The following TUSC3 variants were observed in gnomAD, a reference collection of about 807,000 sequenced individuals.
The protein encoded by TUSC3 is tumor suppressor candidate 3, also known as dolichyl-diphosphooligosaccharide--protein glycosyltransferase subunit TUSC3.
A neutral mutation model predicts 44.8 loss-of-function variants in TUSC3; 45 were observed. That is an observed-to-expected ratio of 1.00 (90% CI 0.79 to 1.29). TUSC3 has a LOEUF of 1.29. TUSC3 is among the 50% of genes most tolerant of loss of function. The pLI, the probability that TUSC3 is intolerant of heterozygous loss-of-function variation, is 0.00. For missense variants in TUSC3, 519 were observed against 437.9 expected (o/e 1.19, Z -1.65); for synonymous variants, 212 against 152.9 (o/e 1.39, Z -2.85).
chr8:15,697,677 T>C (rs60097222), intron 6 of TUSC3, among the ~76,000 whole-genome samples: 2,102 of 152,294 alleles, frequency 0.014, 44 homozygotes, highest in African/African-American at 0.046. Flanking sequence ...ACCTAATGGG[T>C]TATGTACATT....
chr8:15,531,259 G>A (rs1337134420), intron 2 of TUSC3, among the ~76,000 whole-genome samples: 1 of 152,038 alleles, frequency 6.6e-6, no homozygotes, highest in Non-Finnish European at 1.5e-5. Flanking sequence ...CTGCTCTAAA[G>A]CTATTTATTT....
intron 1 of TUSC3, among the ~76,000 whole-genome samples, chr8:15,547,500 G>A (rs1032733561): frequency 6.6e-6 from 1 of 151,474 alleles, no homozygotes; most frequent in African/African-American, 2.4e-5. Context: ...GAACTTGGTG[G>A]TCGATAATAA....
At chr8:15,518,118 T>C (rs1301136322) in intron 2 of TUSC3, among the ~76,000 whole-genome samples, 1 of 152,148 alleles carries the variant, frequency 6.6e-6, no homozygotes, top group Non-Finnish European at 1.5e-5. Context: ...TAAATCTACA[T>C]AATTCCATGT....
chr8:15,541,203 A>G (rs1801679824), intron 1 of TUSC3, among the ~76,000 whole-genome samples: 1 of 152,168 alleles, frequency 6.6e-6, no homozygotes, highest in Admixed American at 6.5e-5. Context: ...ATGTGGATTT[A>G]TTTCTGAAGT....
At chr8:15,702,289 TA>T (rs1809440643) in intron 6 of TUSC3, among the ~76,000 whole-genome samples, 1 of 152,196 alleles carries the variant, frequency 6.6e-6, no homozygotes, top group Non-Finnish European at 1.5e-5. Context: ...ACATTGGTAT[TA>T]AATAATAGTT....
chr8:15,492,824 A>C (rs17611616), intron 2 of TUSC3, among the ~76,000 whole-genome samples: 1 of 152,004 alleles, frequency 6.6e-6, no homozygotes, highest in Admixed American at 6.6e-5. Context: ...AACAATATCC[A>C]TATGAGTTTT....
intron 1 of TUSC3, among the ~76,000 whole-genome samples, chr8:15,453,094 T>C (rs1800214960): frequency 6.6e-6 from 1 of 152,160 alleles, no homozygotes; most frequent in Admixed American, 6.5e-5. Context: ...GATTTTGGTA[T>C]CTAGACTTGA....
At chr8:15,638,844 T>G (rs1367352268) in intron 2 of TUSC3, among the ~76,000 whole-genome samples, 1 of 152,174 alleles carries the variant, frequency 6.6e-6, no homozygotes, top group Non-Finnish European at 1.5e-5. Context: ...ATACTAGCAT[T>G]ACACTGATGA....
chr8:15,445,175 G>A (rs1800077698), intron 1 of TUSC3, among the ~76,000 whole-genome samples: 1 of 152,152 alleles, frequency 6.6e-6, no homozygotes, highest in Non-Finnish European at 1.5e-5. Flanking sequence ...GTCTGGATGG[G>A]ATCTCCTTGG....
chr8:15,761,698 C>T (rs1270577024), intron 10 of TUSC3, among the ~76,000 whole-genome samples: 1 of 152,188 alleles, frequency 6.6e-6, no homozygotes, highest in Non-Finnish European at 1.5e-5. Context: ...GTACCCAAGG[C>T]TGCTTCTCAC....
At chr8:15,515,319 A>G (rs1263171375) in intron 2 of TUSC3, among the ~76,000 whole-genome samples, 1 of 152,206 alleles carries the variant, frequency 6.6e-6, no homozygotes, top group Admixed American at 6.5e-5. Flanking sequence ...TACTACCAAA[A>G]TTAAATATTC....
intron 6 of TUSC3, among the ~76,000 whole-genome samples, chr8:15,694,852 C>A (rs755242167): frequency 1.8e-4 from 27 of 152,066 alleles, no homozygotes; most frequent in Non-Finnish European, 3.2e-4. Context: ...TGGTGTCAGC[C>A]AAAATGCTTC....
intron 2 of TUSC3, among the ~76,000 whole-genome samples, chr8:15,632,444 G>C (rs1471696834): frequency 2.0e-5 from 3 of 152,118 alleles, no homozygotes; most frequent in Non-Finnish European, 4.4e-5. Context: ...CCAGTGCTGA[G>C]ATTAATCACT....
At chr8:15,751,149 C>G (rs1811683291) in intron 9 of TUSC3, among the ~76,000 whole-genome samples, 1 of 152,016 alleles carries the variant, frequency 6.6e-6, no homozygotes, top group South Asian at 2.1e-4. Context: ...TTGGGTTGCT[C>G]TGTTAGGCAA....
chr8:15,659,346 T>C (rs1027053048), intron 3 of TUSC3, among the ~76,000 whole-genome samples, 161 bp from the exon 4 acceptor site: 2 of 152,162 alleles, frequency 1.3e-5, no homozygotes, highest in African/African-American at 4.8e-5. Context: ...TTTCATCCAG[T>C]AGTGAATTAA....
At chr8:15,554,491 G>T (rs1802168686) in intron 1 of TUSC3, among the ~76,000 whole-genome samples, 1 of 150,954 alleles carries the variant, frequency 6.6e-6, no homozygotes, top group African/African-American at 2.4e-5. Flanking sequence ...ATGAAGAAAT[G>T]TACTTTTATT....
At chr8:15,506,626 A>G (rs1801054555) in intron 2 of TUSC3, among the ~76,000 whole-genome samples, 1 of 152,168 alleles carries the variant, frequency 6.6e-6, no homozygotes, top group Non-Finnish European at 1.5e-5. Context: ...GTGGCAGGCA[A>G]GAGAATGTGT....
intron 1 of TUSC3, among the ~76,000 whole-genome samples, chr8:15,615,157 C>T (rs1471714159): frequency 6.6e-6 from 1 of 152,266 alleles, no homozygotes; most frequent in Middle Eastern, 3.4e-3. Flanking sequence ...GATACCTGTC[C>T]TCTCATGTTT....
rs545546651 is a variant in TUSC3, at chr8:15,766,229, A to T, written c.*2073A>T. The T allele has an allele frequency of 6.6e-6, 1 of 152,202 alleles. No homozygotes were observed. The highest frequency in any genetic ancestry group is 2.4e-5 in the African/African-American group (1 of 41,544). 9.4% of individuals were successfully genotyped at this position (152,202 alleles called of 1,614,324 possible). A position where few individuals can be genotyped will look rare whatever the true frequency, so the allele number is the denominator to read the frequency against. Reference sequence around the variant, plus strand: ...AGACAACTGTTACATTAGGGAAGTGATTCTAGAGCAAAATATACTGCCTCA... The same window carrying T: ...AGACAACTGTTACATTAGGGAAGTGTTTCTAGAGCAAAATATACTGCCTCA... On this transcript the variant is annotated 3_prime_UTR_variant, in exon 11 of 11. Coordinates refer to ENST00000503731, the MANE Select transcript of TUSC3 (RefSeq NM_006765.4).
Sources: allele counts gnomAD v4.1 joint callset (sites outside exome capture counted in the v4.1 genomes callset), GRCh38; gene constraint gnomAD v4.1.1; transcripts MANE v1.5; gene names NCBI Gene and HGNC (gene_info 2026-07-23, HGNC 2026-07-21).